Variants in COG6 observed in about 807,000 individuals in gnomAD.
The protein encoded by COG6 is conserved oligomeric Golgi complex subunit 6.
A neutral mutation model predicts 88.8 loss-of-function variants in COG6; 74 were observed. The ratio of observed to expected loss-of-function variants is 0.83; its 90% CI spans 0.69 to 1.01. COG6 has a LOEUF of 1.01. COG6 is among the 50% of genes least tolerant of loss of function. The probability of loss-of-function intolerance (pLI) is 0.00; values close to 1 mark genes in which losing one functional copy is unlikely to be tolerated. For missense variants in COG6, 800 were observed against 797.9 expected (o/e 1.00, Z -0.03); for synonymous variants, 286 against 278.7 (o/e 1.03, Z -0.26).
In COG6 at chr13:39,750,948, A is replaced by G; in HGVS notation, c.1829A>G (p.Glu610Gly). The part of the protein sequence containing the change: ...LNFLLSATVK[E>G]QIVKQSTELV... ...ACATTTTGTTTGCTTATCAATAGAG[A>G]GCAGATCGTAAAACAATCTACAGAA... is the stretch of plus-strand genomic sequence containing the variant. The change falls in exon 19 of 19, where the codon GAG becomes GGG. Residue 610 changes from glutamate (E) to glycine (G), a missense_variant and splice_region_variant. Coordinates refer to ENST00000455146, the MANE Select transcript of COG6 (RefSeq NM_020751.3). The G allele has an allele frequency of 1.9e-6, 3 of 1,612,336 alleles. No individual in the cohort carries two copies. Among genetic ancestry groups the G allele is most frequent in the Non-Finnish European group, 2.5e-6 (3 of 1,178,706 alleles).
At chr13:39,755,883 A>T (rs1347069824), downstream of COG6, among the ~76,000 whole-genome samples, 8 of 152,364 alleles carry the variant, frequency 5.3e-5, no homozygotes, top group Admixed American at 4.6e-4. Context: ...GTGGTTACAC[A>T]TGACAAAGAA....
intron 18 of COG6, among the ~76,000 whole-genome samples, chr13:39,776,425 A>C (rs1363539536): frequency 6.6e-6 from 1 of 152,226 alleles, no homozygotes; most frequent in East Asian, 1.9e-4. Flanking sequence ...TTTGTCAAAA[A>C]AGTTTCCAGT....
intron 5 of COG6, among the ~76,000 whole-genome samples, chr13:39,677,925 A>G (rs1308857304): frequency 2.0e-5 from 3 of 152,196 alleles, no homozygotes; most frequent in African/African-American, 7.2e-5. Context: ...TATGTTAACT[A>G]TTTTCTATTG....
At chr13:39,686,980 C>T (rs1417560210) in intron 8 of COG6, among the ~76,000 whole-genome samples, 2 of 151,984 alleles carry the variant, frequency 1.3e-5, no homozygotes. Context: ...CCACCTTCCT[C>T]GGCCTCCTAA....
At chr13:39,748,986 C>G (rs1880483281) in intron 18 of COG6, among the ~76,000 whole-genome samples, 1 of 152,050 alleles carries the variant, frequency 6.6e-6, no homozygotes, top group African/African-American at 2.4e-5. Context: ...CCATTATTAT[C>G]AAAAAAGAAC....
intron 12 of COG6, among the ~76,000 whole-genome samples, chr13:39,698,191 TGAATG>T (rs1877382318): frequency 6.6e-6 from 1 of 151,112 alleles, no homozygotes; most frequent in Non-Finnish European, 1.5e-5. Flanking sequence ...AAAAAAAAAA[TGAATG>T]TAAATGTATG....
Position 39,682,281 on chromosome 13 carries a change from T to C in COG6, c.788+17T>C, listed in dbSNP as rs1876361338. On this transcript the variant is annotated intron_variant, in intron 8 of 18. Transcript: ENST00000455146. ...CTTATATAAGTTGGTGACTTTTTCT[T>C]AATTAAAAATGAAAGCCTACTTTTC... is the stretch of plus-strand genomic sequence containing the variant. 1 of 1,495,256 alleles carries C rather than the reference T, an allele frequency of 6.7e-7. No individual in the cohort carries two copies. The highest frequency in any genetic ancestry group is 9.3e-7 in the Non-Finnish European group (1 of 1,072,628). 92.6% of individuals were successfully genotyped at this position (1,495,256 alleles called of 1,614,324 possible).
intron 18 of COG6, among the ~76,000 whole-genome samples, chr13:39,785,035 C>T (rs1232831204): frequency 6.6e-6 from 1 of 152,200 alleles, no homozygotes; most frequent in Non-Finnish European, 1.5e-5. Context: ...TGGCCTTGAT[C>T]ATGGCCAACC....
chr13:39,704,781 G>T (rs192908017), intron 13 of COG6, among the ~76,000 whole-genome samples: 14 of 152,164 alleles, frequency 9.2e-5, no homozygotes, highest in Admixed American at 9.2e-4. Context: ...AATCAATATT[G>T]CAGCTTATAT....
chr13:39,723,601 G>A (rs1041971215), intron 16 of COG6, among the ~76,000 whole-genome samples, 161 bp downstream of exon 16: 6 of 151,906 alleles, frequency 3.9e-5, no homozygotes, highest in African/African-American at 1.5e-4. Context: ...GTGGATTGGG[G>A]GTAATAATAG....
chr13:39,706,619 AG>A (rs1877940941), intron 13 of COG6, among the ~76,000 whole-genome samples: 1 of 151,294 alleles, frequency 6.6e-6, no homozygotes, highest in Non-Finnish European at 1.5e-5. Context: ...ATTTAAAAAA[AG>A]AGAGGTTCTA....
intron 18 of COG6, among the ~76,000 whole-genome samples, chr13:39,745,360 T>C (rs533382207): frequency 1.3e-5 from 2 of 152,064 alleles, no homozygotes; most frequent in South Asian, 4.2e-4. Context: ...AGGGCTAATA[T>C]CCAGAATCTA....
chr13:39,723,540 C>T, intron 16 of COG6, 100 bp downstream of exon 16: 1 of 732,930 alleles, frequency 1.4e-6, no homozygotes, highest in South Asian at 1.5e-5. Context: ...CACATATTAG[C>T]TGTGTTCTCC....
chr13:39,775,754 C>G (rs1881444291), intron 18 of COG6, among the ~76,000 whole-genome samples: 2 of 152,016 alleles, frequency 1.3e-5, no homozygotes, highest in African/African-American at 4.8e-5. Context: ...AATAATCTTT[C>G]AGAGATACAT....
chr13:39,748,986 CA>C (rs1241965503), intron 18 of COG6, among the ~76,000 whole-genome samples: 1 of 152,050 alleles, frequency 6.6e-6, no homozygotes, highest in East Asian at 1.9e-4. Flanking sequence ...CCATTATTAT[CA>C]AAAAAGAACA....
chr13:39,732,355 T>G (rs1369468478), intron 18 of COG6, among the ~76,000 whole-genome samples: 1 of 152,102 alleles, frequency 6.6e-6, no homozygotes, highest in African/African-American at 2.4e-5. Flanking sequence ...CAATCAACAG[T>G]GTAACATCTA....
chr13:39,778,188 G>A (rs1382000912), intron 18 of COG6, among the ~76,000 whole-genome samples: 2 of 152,100 alleles, frequency 1.3e-5, no homozygotes, highest in Non-Finnish European at 2.9e-5. Context: ...ATCCAATTTG[G>A]GTAAAGTGAC....
intron 15 of COG6, among the ~76,000 whole-genome samples, chr13:39,722,632 AAAG>A (rs1566195936): frequency 6.6e-6 from 1 of 151,986 alleles, no homozygotes; most frequent in African/African-American, 2.4e-5. Flanking sequence ...AAAAAAAAAA[AAAG>A]AACAAGATTT....
chr13:39,697,036 T>C (rs1465773145), intron 12 of COG6, among the ~76,000 whole-genome samples: 1 of 149,434 alleles, frequency 6.7e-6, no homozygotes, highest in Non-Finnish European at 1.5e-5. Flanking sequence ...TGAATGGTAT[T>C]GTTTGCTGAG....
Sources: allele counts gnomAD v4.1 joint callset (sites outside exome capture counted in the v4.1 genomes callset), GRCh38; gene constraint gnomAD v4.1.1; transcripts MANE v1.5; gene names NCBI Gene and HGNC (gene_info 2026-07-23, HGNC 2026-07-21).